Variants in FRMD4B observed in about 807,000 individuals in gnomAD.
The protein encoded by FRMD4B is FERM domain-containing protein 4B.
In FRMD4B, 74 loss-of-function variants were observed where a neutral mutation model predicts 141.5. The observed-to-expected ratio is 0.52, with a 90% CI of 0.43 to 0.63. The LOEUF is 0.63. Among genes scored for constraint, FRMD4B ranks in the 30% least tolerant of loss-of-function variants. The pLI is 0.00. For missense variants in FRMD4B, 1,366 were observed against 1,253.4 expected (o/e 1.09, Z -1.36); for synonymous variants, 506 against 467.9 (o/e 1.08, Z -1.05).
chr3:69,217,662 T>C (rs2093155491), intron 10 of FRMD4B, among the ~76,000 whole-genome samples: 1 of 152,160 alleles, frequency 6.6e-6, no homozygotes, highest in African/African-American at 2.4e-5. Flanking sequence ...TACCGATTTT[T>C]AGCACAGGTA....
intron 5 of FRMD4B, among the ~76,000 whole-genome samples, chr3:69,277,126 T>A (rs917979026): frequency 2.0e-5 from 3 of 152,200 alleles, no homozygotes; most frequent in Non-Finnish European, 2.9e-5. Flanking sequence ...CCCTATTTTT[T>A]AATAGGATTA....
At chr3:69,530,610 A>T (rs1425236586) in intron 1 of FRMD4B, among the ~76,000 whole-genome samples, 3 of 152,136 alleles carry the variant, frequency 2.0e-5, no homozygotes, top group Non-Finnish European at 1.5e-5. Flanking sequence ...ATAGCAACAC[A>T]AAATGAACTA....
intron 1 of FRMD4B, among the ~76,000 whole-genome samples, chr3:69,322,543 G>A (rs1646256559): frequency 6.7e-6 from 1 of 149,652 alleles, no homozygotes; most frequent in South Asian, 2.1e-4. Context: ...CTTCTTTCAT[G>A]TTGCTAACAA....
intron 11 of FRMD4B, among the ~76,000 whole-genome samples, chr3:69,204,629 C>T (rs937861194): frequency 6.6e-6 from 1 of 152,152 alleles, no homozygotes; most frequent in East Asian, 1.9e-4. Context: ...GAATTATAGG[C>T]TTCTATAAAG....
chr3:69,245,758 G>A (rs542135341), intron 7 of FRMD4B, among the ~76,000 whole-genome samples: 5 of 151,084 alleles, frequency 3.3e-5, no homozygotes, highest in Non-Finnish European at 7.4e-5. Flanking sequence ...CCACCTCCTG[G>A]GTTCAAGCAA....
chr3:69,316,039 G>C (rs529322175), intron 1 of FRMD4B, among the ~76,000 whole-genome samples: 1 of 152,274 alleles, frequency 6.6e-6, no homozygotes, highest in Non-Finnish European at 1.5e-5. Context: ...GCTAAATTGA[G>C]GCTCAGACTG....
chr3:69,407,782 G>A (rs1704674206), intron 2 of FRMD4B, among the ~76,000 whole-genome samples: 1 of 152,266 alleles, frequency 6.6e-6, no homozygotes, highest in Non-Finnish European at 1.5e-5. Context: ...AGGCCCAGAC[G>A]CGGCTGCAGA....
At chr3:69,219,738 G>C (rs1351988367) in intron 9 of FRMD4B, among the ~76,000 whole-genome samples, 1 of 152,056 alleles carries the variant, frequency 6.6e-6, no homozygotes, top group African/African-American at 2.4e-5. Context: ...ATTAGGGCCA[G>C]CATCCATTAG....
chr3:69,484,206 A>G (rs1301752520), intron 1 of FRMD4B, among the ~76,000 whole-genome samples: 1 of 152,202 alleles, frequency 6.6e-6, no homozygotes, highest in African/African-American at 2.4e-5. Flanking sequence ...GAAGAGCAAC[A>G]GAAGAATGAT....
At chr3:69,301,741 G>T (rs888070438) in intron 4 of FRMD4B, among the ~76,000 whole-genome samples, 1 of 152,214 alleles carries the variant, frequency 6.6e-6, no homozygotes, top group Non-Finnish European at 1.5e-5. Flanking sequence ...ATCCATTTCA[G>T]GATACAGTTA....
At chr3:69,358,658 C>T (rs1016757594) in intron 1 of FRMD4B, among the ~76,000 whole-genome samples, 6 of 152,094 alleles carry the variant, frequency 3.9e-5, no homozygotes, top group African/African-American at 1.4e-4. Flanking sequence ...ATCACTTGAG[C>T]CTGGGAGGTT....
chr3:69,257,462 T>G (rs2093499865), intron 5 of FRMD4B, among the ~76,000 whole-genome samples: 1 of 152,222 alleles, frequency 6.6e-6, no homozygotes, highest in African/African-American at 2.4e-5. Flanking sequence ...CTGAGTTATG[T>G]AAGTGATTGT....
chr3:69,370,859 G>A (rs946517695), intron 1 of FRMD4B, among the ~76,000 whole-genome samples: 3 of 152,114 alleles, frequency 2.0e-5, no homozygotes, highest in Non-Finnish European at 4.4e-5. Context: ...AGAGTGGCTG[G>A]AGCAGGCTTC....
intron 5 of FRMD4B, among the ~76,000 whole-genome samples, chr3:69,266,033 C>CA (rs34950792): frequency 0.24 from 34,722 of 141,768 alleles, 4,117 homozygotes; most frequent in East Asian, 0.39. Context: ...CCTCTTGCTA[C>CA]AAAAAAAAAA....
chr3:69,245,476 A>G (rs1470573626), intron 7 of FRMD4B, among the ~76,000 whole-genome samples: 1 of 151,890 alleles, frequency 6.6e-6, no homozygotes, highest in Non-Finnish European at 1.5e-5. Flanking sequence ...CCTCCTCAGG[A>G]GCTGTTATTA....
chr3:69,536,090 C>G (rs12638810), intron 1 of FRMD4B: 173,986 of 452,992 alleles, frequency 0.38, 33,992 homozygotes, highest in Middle Eastern at 0.43. Context: ...GGTGTCCTTG[C>G]CCACACTGCC....
intron 1 of FRMD4B, among the ~76,000 whole-genome samples, chr3:69,372,913 G>A (rs1438691989): frequency 6.6e-6 from 1 of 152,156 alleles, no homozygotes; most frequent in Non-Finnish European, 1.5e-5. Context: ...GGAGTAACTT[G>A]CCCAGGGTTA....
chr3:69,437,353 T>A (rs1214536502), intron 1 of FRMD4B, among the ~76,000 whole-genome samples: 1 of 151,734 alleles, frequency 6.6e-6, no homozygotes, highest in Admixed American at 6.6e-5. Flanking sequence ...TTCACAGGCA[T>A]GAGCCACTGT....
At chr3:69,197,260 C>G (rs1486491642) in intron 12 of FRMD4B, among the ~76,000 whole-genome samples, 1 of 152,120 alleles carries the variant, frequency 6.6e-6, no homozygotes, top group East Asian at 1.9e-4. Context: ...TTTAAAAACA[C>G]ATACACATGA....
Sources: gnomAD v4.1 joint callset for allele counts (sites outside exome capture counted in the v4.1 genomes callset) on GRCh38, gnomAD v4.1.1 for gene constraint, MANE v1.5 for transcripts, NCBI Gene and HGNC (gene_info 2026-07-23, HGNC 2026-07-21) for gene names.